RUNX2: variants seen among roughly 807,000 people sequenced by gnomAD.
RUNX2 encodes RUNX family transcription factor 2.
Under a neutral mutation model 51.7 loss-of-function variants are expected in RUNX2, and 10 were observed. That is an observed-to-expected ratio of 0.19 (90% CI 0.12 to 0.33). The LOEUF (loss-of-function observed/expected upper bound fraction) is 0.33, where lower values mean the gene tolerates loss of function less well. Ranked by LOEUF, RUNX2 falls within the 10% of genes least tolerant of loss-of-function variation. The pLI, the probability that RUNX2 is intolerant of heterozygous loss-of-function variation, is 1.00. For synonymous variants in RUNX2, 276 were observed against 273.6 expected (o/e 1.01, Z -0.09); for missense variants, 562 against 691.3 (o/e 0.81, Z 2.10).
intron 6 of RUNX2, among the ~76,000 whole-genome samples, chr6:45,494,293 CTGTTAGGG>C (rs1293858450): frequency 9.8e-5 from 15 of 152,342 alleles, no homozygotes; most frequent in African/African-American, 3.6e-4. Flanking sequence ...ACCCTCTTCC[CTGTTAGGG>C]GGCTCAGGAA....
chr6:45,516,961 T>G (rs1801348754), intron 7 of RUNX2, among the ~76,000 whole-genome samples: 1 of 152,082 alleles, frequency 6.6e-6, no homozygotes, highest in African/African-American at 2.4e-5. Flanking sequence ...TTTTTTTCAC[T>G]GCAAATAACT....
At chr6:45,516,763 G>A (rs977137475) in intron 7 of RUNX2, among the ~76,000 whole-genome samples, 1 of 152,204 alleles carries the variant, frequency 6.6e-6, no homozygotes, top group Non-Finnish European at 1.5e-5. Flanking sequence ...CAAAGCACTT[G>A]TGAGGCTTGA....
rs141100653 is a variant in RUNX2 at position 45,547,230 on chromosome 6, T to C, written c.1491T>C (p.Asp497=). 10 of 1,614,086 alleles carry C rather than the reference T, an allele frequency of 6.2e-6. No individual in the cohort carries two copies. Among genetic ancestry groups the C allele is most frequent in the African/African-American group, 1.3e-5 (1 of 74,930 alleles). Residue 497 remains aspartate, a synonymous_variant, in exon 9 of 9, where the codon GAT becomes GAC. Coordinates refer to ENST00000647337, the MANE Select transcript of RUNX2 (RefSeq NM_001024630.4). ...ACCAGAATGATGGTGTTGACGCTGA[T>C]GGAAGCCACAGCAGTTCCCCAACTG... is the stretch of plus-strand genomic sequence containing the variant. The part of the protein sequence containing the change: ...LPNQNDGVDA[D]GSHSSSPTVL...
At chr6:45,448,521 G>A (rs537349876) in intron 5 of RUNX2, among the ~76,000 whole-genome samples, 4 of 152,166 alleles carry the variant, frequency 2.6e-5, no homozygotes. Flanking sequence ...GGTGAGACTA[G>A]CTCTGGGCAA....
intron 7 of RUNX2, among the ~76,000 whole-genome samples, chr6:45,539,136 A>C (rs1336988402): frequency 6.6e-6 from 1 of 152,148 alleles, no homozygotes; most frequent in Non-Finnish European, 1.5e-5. Flanking sequence ...TTATAAAAGG[A>C]AATATATTCT....
intron 2 of RUNX2, among the ~76,000 whole-genome samples, chr6:45,393,576 C>G (rs1199765772): frequency 1.3e-5 from 2 of 151,728 alleles, no homozygotes; most frequent in Admixed American, 1.3e-4. Context: ...ACTGCAGGCG[C>G]CCGCCACCAC....
chr6:45,535,390 G>A (rs1801999481), intron 7 of RUNX2, among the ~76,000 whole-genome samples: 1 of 152,152 alleles, frequency 6.6e-6, no homozygotes. Context: ...AGATCACGAG[G>A]TCAGGAGATC....
intron 5 of RUNX2, among the ~76,000 whole-genome samples, chr6:45,490,426 C>A (rs556220946): frequency 2.0e-5 from 3 of 152,050 alleles, no homozygotes; most frequent in Non-Finnish European, 4.4e-5. Context: ...CACGTTTGGC[C>A]GTGGAGACAG....
intron 5 of RUNX2, among the ~76,000 whole-genome samples, chr6:45,463,408 A>G (rs918621834): frequency 6.6e-6 from 1 of 152,236 alleles, no homozygotes; most frequent in Non-Finnish European, 1.5e-5. Context: ...ACTGCCATTA[A>G]GGCATTTTAG....
chr6:45,405,847 G>T (rs1014881493), intron 2 of RUNX2, among the ~76,000 whole-genome samples: 1 of 152,072 alleles, frequency 6.6e-6, no homozygotes, highest in Non-Finnish European at 1.5e-5. Context: ...AAGTGCTATA[G>T]ATCGGTAGAA....
intron 2 of RUNX2, among the ~76,000 whole-genome samples, chr6:45,344,398 C>T (rs894817337): frequency 4.6e-5 from 7 of 152,046 alleles, no homozygotes; most frequent in Non-Finnish European, 1.0e-4. Context: ...ACTTTGTTGC[C>T]CATTCATGCA....
chr6:45,534,956 C>T (rs1246007762), intron 7 of RUNX2, among the ~76,000 whole-genome samples: 3 of 152,106 alleles, frequency 2.0e-5, no homozygotes, highest in Admixed American at 2.0e-4. Flanking sequence ...ATGGATGGAG[C>T]TGGAGACCAT....
In RUNX2 at chr6:45,547,062, C is replaced by A. The variant is rs974164696; in HGVS notation, c.1323C>A (p.Ser441Arg). 6.2e-7 allele frequency: 1 copy of A among 1,614,162 alleles called. No homozygotes were observed. The highest frequency in any genetic ancestry group is 1.1e-5 in the South Asian group (1 of 91,082). ...AGAGTGGACCCTTCCAGACCAGCAG[C>A]ACTCCATATCTCTACTATGGCACTT... ...QSQSGPFQTS[S>R]TPYLYYGTSS... The change falls in exon 9 of 9, where the codon AGC becomes AGA. Residue 441 changes from serine (S) to arginine (R), a missense_variant. Around this residue, in one of 5 missense-constraint regions of RUNX2, gnomAD observed 304 missense variants for 353.2 expected, o/e 0.86. Coordinates refer to ENST00000647337, the MANE Select transcript of RUNX2 (RefSeq NM_001024630.4).
intron 7 of RUNX2, among the ~76,000 whole-genome samples, chr6:45,525,418 A>T (rs558883613): frequency 6.6e-6 from 1 of 152,342 alleles, no homozygotes; most frequent in African/African-American, 2.4e-5. Flanking sequence ...TGACTCAAGC[A>T]TGTAGAGTGG....
chr6:45,330,590 C>A (rs945366391), intron 2 of RUNX2, among the ~76,000 whole-genome samples: 6 of 151,972 alleles, frequency 3.9e-5, no homozygotes, highest in Admixed American at 6.6e-5. Context: ...TGTTAAAATT[C>A]TCACAAAGAA....
intron 4 of RUNX2, among the ~76,000 whole-genome samples, chr6:45,437,054 G>A (rs1798704465): frequency 6.6e-6 from 1 of 152,204 alleles, no homozygotes; most frequent in Admixed American, 6.5e-5. Context: ...GATTACAACT[G>A]TTAGTAAGTC....
intron 6 of RUNX2, among the ~76,000 whole-genome samples, chr6:45,496,481 A>G (rs931943340): frequency 7.9e-5 from 12 of 152,248 alleles, no homozygotes; most frequent in African/African-American, 2.9e-4. Context: ...AATGAATGCT[A>G]TGAGAAAATG....
intron 7 of RUNX2, among the ~76,000 whole-genome samples, chr6:45,538,616 A>T (rs1180596297): frequency 2.6e-5 from 4 of 151,460 alleles, no homozygotes; most frequent in African/African-American, 7.3e-5. Context: ...TTTTTCTGAA[A>T]CTGAAATAAG....
chr6:45,541,771 G>A (rs915855612), intron 7 of RUNX2, among the ~76,000 whole-genome samples: 3 of 152,180 alleles, frequency 2.0e-5, no homozygotes, highest in Non-Finnish European at 2.9e-5. Flanking sequence ...ACTGCACAGA[G>A]GCCAAGAGGA....
Sources: allele counts gnomAD v4.1 joint callset (sites outside exome capture counted in the v4.1 genomes callset), GRCh38; gene constraint gnomAD v4.1.1; regional missense constraint gnomAD v4.1.1; transcripts MANE v1.5; gene names NCBI Gene and HGNC (gene_info 2026-07-23, HGNC 2026-07-21).